Variants in CCDC88C observed in about 807,000 individuals in gnomAD.
CCDC88C encodes the protein coiled-coil and HOOK domain protein 88C.
Under a neutral mutation model 198.8 loss-of-function variants are expected in CCDC88C, and 131 were observed. The ratio of observed to expected loss-of-function variants is 0.66; its 90% CI spans 0.57 to 0.76. CCDC88C has a LOEUF of 0.76. Among genes scored for constraint, CCDC88C ranks in the 30% least tolerant of loss-of-function variants. The pLI is 0.00. For missense variants in CCDC88C, 2,553 were observed against 2,631.6 expected, an observed-to-expected ratio of 0.97 and a Z score of 0.65; for synonymous variants, 1,166 against 1,114.7, an observed-to-expected ratio of 1.05 and a Z score of -0.92.
intron 23 of CCDC88C, among the ~76,000 whole-genome samples, 159 bp from the exon 24 acceptor site, chr14:91,291,243 T>C (rs1316980036): frequency 6.6e-6 from 1 of 152,224 alleles, no homozygotes; most frequent in African/African-American, 2.4e-5. Context: ...GAGTTTGGAA[T>C]ACGGGAATGG....
chr14:91,362,523 A>G (rs1158569604), intron 3 of CCDC88C, among the ~76,000 whole-genome samples: 1 of 152,256 alleles, frequency 6.6e-6, no homozygotes, highest in African/African-American at 2.4e-5. Context: ...AAACACTGCT[A>G]GAAATATTGC....
At position 91,275,423 on chromosome 14, in the gene CCDC88C, G is replaced by C. The variant is rs542662042; in HGVS notation, c.5059-1770C>G. Among the ~76,000 whole-genome samples, 311 of 152,064 alleles carry C rather than the reference G, an allele frequency of 2.0e-3. 1 individual carries two copies. The highest frequency in any genetic ancestry group is 2.4e-3 in the Non-Finnish European group (166 of 67,998). ...AAAGACTGAGAAGGAAAGCCTTCCA[G>C]CTGTGGGCCCCCCCAATTTCTGGAG... On this transcript the variant is annotated intron_variant, in intron 29 of 29. Coordinates refer to ENST00000389857, the MANE Select transcript of CCDC88C (RefSeq NM_001080414.4).
At chr14:91,275,412 A>C (rs1889911926) in intron 29 of CCDC88C, among the ~76,000 whole-genome samples, 1 of 152,176 alleles carries the variant, frequency 6.6e-6, no homozygotes, top group East Asian at 1.9e-4. Flanking sequence ...ACTGAGAAGG[A>C]AAGCCTTCCA....
chr14:91,417,155 G>GTAAATCAGTGCA (rs1887106930), intron 1 of CCDC88C: 1 of 702,868 alleles, frequency 1.4e-6, no homozygotes, highest in Admixed American at 2.0e-5. Context: ...AAATCAGTGC[G>GTAAATCAGTGCA]CCCACCCCAG....
chr14:91,414,506 A>T (rs1420531072), intron 2 of CCDC88C, among the ~76,000 whole-genome samples: 1 of 152,124 alleles, frequency 6.6e-6, no homozygotes, highest in Admixed American at 6.5e-5. Context: ...TACTCCAGCC[A>T]CTCTGCAGGA....
rs192289626 is a variant in CCDC88C, at chr14:91,327,189, T to C, written c.1051-1133A>G. On this transcript the variant is annotated intron_variant, in intron 10 of 29. Coordinates refer to ENST00000389857, the MANE Select transcript of CCDC88C (RefSeq NM_001080414.4). ...GGTGGGCAGAGCTGTCTGAGGTTTG[T>C]CCCACTCACGAATCACACTGGGAAC... Among the ~76,000 whole-genome samples the C allele has an allele frequency of 1.6e-4, 24 of 152,332 alleles. 1 individual carries two copies. The East Asian group carries it at 4.1e-3, about 26-fold the overall frequency.
chr14:91,330,630 G>C (rs1892784600), intron 10 of CCDC88C, among the ~76,000 whole-genome samples: 1 of 152,196 alleles, frequency 6.6e-6, no homozygotes, highest in African/African-American at 2.4e-5. Context: ...GGGACGAGGG[G>C]ATGGGGAGGA....
chr14:91,340,062 G>C (rs770695136), intron 6 of CCDC88C, 38 bp from the exon 7 acceptor site: 3 of 1,601,074 alleles, frequency 1.9e-6, no homozygotes, highest in African/African-American at 1.3e-5. Context: ...AGGGGCGGCA[G>C]AGACGGGCGC....
intron 2 of CCDC88C, among the ~76,000 whole-genome samples, chr14:91,410,126 A>T (rs1886719871): frequency 6.6e-6 from 1 of 152,224 alleles, no homozygotes; most frequent in Non-Finnish European, 1.5e-5. Flanking sequence ...ATCTATATAC[A>T]GGACATTTCT....
intron 3 of CCDC88C, among the ~76,000 whole-genome samples, chr14:91,404,188 C>T (rs918327936): frequency 1.3e-5 from 2 of 152,212 alleles, no homozygotes; most frequent in Non-Finnish European, 2.9e-5. Flanking sequence ...CAGGTGCTCT[C>T]TCTCCAAGGC....
chr14:91,313,767 G>A lies in CCDC88C; in HGVS notation c.2049C>T (p.Asp683=), dbSNP rs1421813622. The change falls in exon 15 of 30, where the codon GAC becomes GAT. Residue 683 remains aspartate (D), a synonymous_variant. Coordinates refer to ENST00000389857, the MANE Select transcript of CCDC88C (RefSeq NM_001080414.4). The surrounding 1 kb of genome is among the most constrained non-coding windows in gnomAD (Gnocchi z 5.2). The part of the protein sequence containing the change: ...LENRTLRKSL[D]TLQNVSLQLE... ...GCTGCAGGGACACGTTCTGCAAGGT[G>A]TCCAGAGACTTCCTCAGAGTCCGGT... The A allele has an allele frequency of 6.2e-7, 1 of 1,607,298 alleles. No homozygotes were observed. The highest frequency in any genetic ancestry group is 8.5e-7 in the Non-Finnish European group (1 of 1,179,620).
intron 25 of CCDC88C, among the ~76,000 whole-genome samples, chr14:91,286,197 T>C (rs1397511662): frequency 1.3e-5 from 2 of 152,142 alleles, no homozygotes; most frequent in Non-Finnish European, 2.9e-5. Context: ...CAACTTCTCT[T>C]ACTCATCCAT....
At chr14:91,294,740 C>T (rs764258170) in intron 22 of CCDC88C, among the ~76,000 whole-genome samples, 9 of 152,214 alleles carry the variant, frequency 5.9e-5, no homozygotes, top group South Asian at 4.1e-4. Context: ...CTGCAACCTC[C>T]GCCTCCTGGG....
At position 91,339,433 on chromosome 14, in the gene CCDC88C, G is replaced by A. The variant is rs554261162; in HGVS notation, c.654C>T (p.Asp218=). 1.7e-5 allele frequency: 27 copies of A among 1,608,360 alleles called. No homozygotes were observed. In the South Asian group the frequency reaches 3.0e-4, roughly 18 times the overall value. Residue 218 remains aspartate (D), a synonymous_variant, in exon 8 of 30, where the codon GAC becomes GAT. Coordinates refer to ENST00000389857, the MANE Select transcript of CCDC88C (RefSeq NM_001080414.4). The surrounding 1 kb of genome is among the most constrained non-coding windows in gnomAD (Gnocchi z 5.8). ...TGGGTGGATGCTGTGCCTGCAGGTA[G>A]TCCCGTTCCTGAGTGAGGTCCACGA... The part of the protein sequence containing the change: ...ELIVDLTQER[D]YLQAQHPPSP...
At chr14:91,305,679 G>T in intron 19 of CCDC88C, 86 bp downstream of exon 19, 1 of 1,345,272 alleles carries the variant, frequency 7.4e-7, no homozygotes, top group African/African-American at 1.4e-5. Flanking sequence ...CTTTTGAGGA[G>T]TCCTAATGCC....
At chr14:91,379,930 G>A in intron 3 of CCDC88C, 1 of 702,978 alleles carries the variant, frequency 1.4e-6, no homozygotes, top group Middle Eastern at 2.3e-4. Context: ...AAGGCGTTTG[G>A]GGGCTGAATA....
chr14:91,353,488 G>C (rs1893904774), intron 4 of CCDC88C, among the ~76,000 whole-genome samples: 1 of 152,234 alleles, frequency 6.6e-6, no homozygotes, highest in South Asian at 2.1e-4. Flanking sequence ...CAGCAGAGGG[G>C]AGCTAAAGGA....
Position 91,272,806 on chromosome 14 carries a change from G to A in CCDC88C, c.5906C>T (p.Pro1969Leu), listed in dbSNP as rs138924295. 1,277 of 1,598,916 alleles carry A rather than the reference G, an allele frequency of 8.0e-4. 3 individuals are homozygous for A. The highest frequency in any genetic ancestry group is 9.6e-4 in the Non-Finnish European group (1,122 of 1,173,432). Residue 1969 changes from proline (P) to leucine (L), a missense_variant, in exon 30 of 30, where the codon CCG becomes CTG. Pro to Leu is a moderately conservative substitution (Grantham distance 98). Around this residue, in one of 2 missense-constraint regions of CCDC88C, gnomAD observed 1,293 missense variants for 1,219.6 expected, o/e 1.06. Coordinates refer to ENST00000389857, the MANE Select transcript of CCDC88C (RefSeq NM_001080414.4). ...GLSLSEGDGV[P>L]GQGCSEGLPA... ...AAGCCCCTCACTGCAGCCCTGCCCC[G>A]GGACCCCGTCTCCCTCTGAGAGGCT...
At position 91,371,737 on chromosome 14, in the gene CCDC88C, A is replaced by G. The variant is rs1894815842; in HGVS notation, c.271-12026T>C. 6.6e-6 allele frequency among the ~76,000 whole-genome samples: 1 copy of G among 152,102 alleles called. No homozygotes were observed. The highest frequency in any genetic ancestry group is 1.5e-5 in the Non-Finnish European group (1 of 67,996). On this transcript the variant is annotated intron_variant, in intron 3 of 29. Coordinates refer to ENST00000389857, the MANE Select transcript of CCDC88C (RefSeq NM_001080414.4). The surrounding 1 kb of genome is among the most constrained non-coding windows in gnomAD (Gnocchi z 4.2). Reference sequence around the variant, plus strand: ...GTGGCGCCTGCCCACACAGTGTCCCATGTCCCACTCCACCGCTCACCCACC... The same window carrying G: ...GTGGCGCCTGCCCACACAGTGTCCCGTGTCCCACTCCACCGCTCACCCACC...
Sources: gnomAD v4.1 joint callset for allele counts (sites outside exome capture counted in the v4.1 genomes callset) on GRCh38, gnomAD v4.1.1 for gene constraint, gnomAD v4.1.1 regional missense constraint, Gnocchi (gnomAD v3.1) non-coding constraint, MANE v1.5 for transcripts, NCBI Gene and HGNC (gene_info 2026-07-23, HGNC 2026-07-21) for gene names.